FSTL5: variants seen among roughly 807,000 people sequenced by gnomAD.
FSTL5 encodes follistatin like 5, also known as follistatin-related protein 5.
In FSTL5, 62 loss-of-function variants were observed where a neutral mutation model predicts 89.1. The ratio of observed to expected loss-of-function variants is 0.70; its 90% CI spans 0.57 to 0.86. The LOEUF is 0.86. Ranked by LOEUF, FSTL5 falls within the 40% of genes least tolerant of loss-of-function variation. The probability of loss-of-function intolerance (pLI) is 0.00; values close to 1 mark genes in which losing one functional copy is unlikely to be tolerated. For synonymous variants in FSTL5, 383 were observed against 346.2 expected, an observed-to-expected ratio of 1.11 and a Z score of -1.18; for missense variants, 1,057 against 1,001.6, an observed-to-expected ratio of 1.06 and a Z score of -0.75.
At chr4:161,443,995 T>C (rs1732863303) in intron 15 of FSTL5, among the ~76,000 whole-genome samples, 1 of 151,926 alleles carries the variant, frequency 6.6e-6, no homozygotes, top group Admixed American at 6.6e-5. Context: ...CAAAAAACTA[T>C]AATATTATTT....
chr4:161,614,533 T>G (rs1036744927), intron 7 of FSTL5, among the ~76,000 whole-genome samples: 1 of 152,170 alleles, frequency 6.6e-6, no homozygotes, highest in African/African-American at 2.4e-5. Context: ...TAGAGAGAAC[T>G]GGAATTCATA....
chr4:161,764,701 T>C (rs1740929693), intron 5 of FSTL5, among the ~76,000 whole-genome samples: 1 of 152,246 alleles, frequency 6.6e-6, no homozygotes, highest in South Asian at 2.1e-4. Flanking sequence ...ATATCATTAT[T>C]TTCATTAAAC....
At chr4:162,033,322 A>G (rs1323789324) in intron 3 of FSTL5, among the ~76,000 whole-genome samples, 1 of 152,162 alleles carries the variant, frequency 6.6e-6, no homozygotes. Context: ...GTGACACAAC[A>G]CCAACTCGTA....
intron 1 of FSTL5, among the ~76,000 whole-genome samples, chr4:162,157,837 A>G (rs1416387571): frequency 6.6e-6 from 1 of 152,072 alleles, no homozygotes; most frequent in African/African-American, 2.4e-5. Context: ...AATTACTGCT[A>G]ACAGCAGTCA....
At chr4:161,634,851 T>C (rs1364186114) in intron 7 of FSTL5, among the ~76,000 whole-genome samples, 1 of 152,158 alleles carries the variant, frequency 6.6e-6, no homozygotes, top group Non-Finnish European at 1.5e-5. Context: ...TCATGTTTTA[T>C]TGTTAAGAGA....
At chr4:162,108,069 TAGAG>T (rs931490413) in intron 2 of FSTL5, among the ~76,000 whole-genome samples, 2 of 152,148 alleles carry the variant, frequency 1.3e-5, no homozygotes, top group Non-Finnish European at 2.9e-5. Context: ...TTTACAAATC[TAGAG>T]AGTGAATGAA....
In FSTL5 at chr4:162,121,565, T is replaced by A. The variant is rs1447715864; in HGVS notation, c.-16-10153A>T. ...CAGAATGGACCATCAGTCTCCCACC[T>A]TGCTGAAAGCGGAGGTCTGTATCAT... On this transcript the variant is annotated intron_variant, in intron 1 of 15. Transcript: ENST00000306100. 9.2e-5 allele frequency among the ~76,000 whole-genome samples: 14 copies of A among 152,060 alleles called. 1 individual carries two copies. The highest frequency in any genetic ancestry group is 9.2e-4 in the Admixed American group (14 of 15,262).
Position 161,907,264 on chromosome 4 carries a change from C to T in FSTL5, c.409+13140G>A, listed in dbSNP as rs565013784. Among the ~76,000 whole-genome samples, 49 of 152,218 alleles carry T rather than the reference C, an allele frequency of 3.2e-4. No individual in the cohort carries two copies. In the South Asian group the frequency reaches 0.01, roughly 32 times the overall value. ...AACTTACATGCTCTTTTATGTTTCA[C>T]TAAAAGTGCAATTGATATGGGTCTA... On this transcript the variant is annotated intron_variant, in intron 4 of 15. Transcript: ENST00000306100.
chr4:161,474,982 C>T (rs374343923), intron 13 of FSTL5, among the ~76,000 whole-genome samples: 69 of 150,162 alleles, frequency 4.6e-4, no homozygotes, highest in African/African-American at 1.5e-3. Context: ...ATTTCTACTT[C>T]GCTTTTGAAG....
intron 1 of FSTL5, among the ~76,000 whole-genome samples, chr4:162,157,732 G>T (rs2110756409): frequency 6.6e-6 from 1 of 152,122 alleles, no homozygotes; most frequent in South Asian, 2.1e-4. Flanking sequence ...TATCTCCTTT[G>T]GGATCCACTT....
intron 7 of FSTL5, among the ~76,000 whole-genome samples, chr4:161,639,869 A>C (rs1322333019): frequency 6.6e-6 from 1 of 152,194 alleles, no homozygotes; most frequent in Non-Finnish European, 1.5e-5. Context: ...GTGGATGGCC[A>C]CTGTTCCCTC....
chr4:161,540,562 T>G (rs368655795), intron 9 of FSTL5, among the ~76,000 whole-genome samples: 8 of 152,088 alleles, frequency 5.3e-5, no homozygotes, highest in African/African-American at 1.7e-4. Context: ...CCCTTATTTC[T>G]TATTGATTTC....
chr4:161,686,341 TATA>T (rs1404063885), intron 6 of FSTL5, among the ~76,000 whole-genome samples: 26 of 8,044 alleles, frequency 3.2e-3, no homozygotes, highest in Admixed American at 0.022. Context: ...TATATATATA[TATA>T]TATTTTTTTT....
chr4:161,494,333 T>TG (rs1172706020), intron 12 of FSTL5, among the ~76,000 whole-genome samples: 3 of 152,140 alleles, frequency 2.0e-5, no homozygotes, highest in Non-Finnish European at 4.4e-5. Context: ...ACTGGCTTCA[T>TG]GGGGAAATGA....
Position 161,595,033 on chromosome 4 carries a change from T to G in FSTL5, c.895-7458A>C, listed in dbSNP as rs559320004. On this transcript the variant is annotated intron_variant, in intron 7 of 15. Transcript: ENST00000306100. ...GTCTCAGATTAGCATCCAAATAGAC[T>G]GCAGAATTTAGCTGTTCTTGTTTAT... Among the ~76,000 whole-genome samples the G allele has an allele frequency of 4.7e-5, 7 of 148,626 alleles. No homozygotes were observed. The East Asian group carries it at 1.4e-3, about 30-fold the overall frequency.
intron 15 of FSTL5, among the ~76,000 whole-genome samples, chr4:161,389,695 G>C (rs1730755299): frequency 6.6e-6 from 1 of 152,130 alleles, no homozygotes; most frequent in African/African-American, 2.4e-5. Context: ...TCAGCAGGAA[G>C]AGGATAAAAG....
intron 2 of FSTL5, among the ~76,000 whole-genome samples, chr4:162,104,673 A>G (rs912978713): frequency 6.6e-6 from 1 of 152,164 alleles, no homozygotes; most frequent in African/African-American, 2.4e-5. Flanking sequence ...GGCTACCGCT[A>G]CTACTGTGAA....
rs549357959 is a variant in FSTL5 at position 162,060,771 on chromosome 4, T to C, written c.127-27113A>G. On this transcript the variant is annotated intron_variant, in intron 2 of 15. Coordinates refer to ENST00000306100, the MANE Select transcript of FSTL5 (RefSeq NM_020116.5). ...TGTATTCTGTTTAAAACCTTTGACA[T>C]AATTTTTGAGAAAAATTTATTTAAA... Among the ~76,000 whole-genome samples, 241 of 152,228 alleles carry C rather than the reference T, an allele frequency of 1.6e-3. 1 individual carries two copies. Among genetic ancestry groups the C allele is most frequent in the Non-Finnish European group, 2.6e-3 (180 of 67,970 alleles).
intron 3 of FSTL5, among the ~76,000 whole-genome samples, chr4:161,950,787 G>C (rs1431047582): frequency 6.6e-6 from 1 of 152,096 alleles, no homozygotes; most frequent in Non-Finnish European, 1.5e-5. Flanking sequence ...CTACAGCCCA[G>C]GTTATTCAGT....
Sources: gnomAD v4.1 joint callset for allele counts (sites outside exome capture counted in the v4.1 genomes callset) on GRCh38, gnomAD v4.1.1 for gene constraint, MANE v1.5 for transcripts, NCBI Gene and HGNC (gene_info 2026-07-23, HGNC 2026-07-21) for gene names.